ATP8A2: variants seen among roughly 807,000 people sequenced by gnomAD.
ATP8A2 encodes the protein phospholipid-transporting ATPase IB.
In ATP8A2, 100 loss-of-function variants were observed where a neutral mutation model predicts 165.6. That is an observed-to-expected ratio of 0.60 (90% CI 0.51 to 0.71). The LOEUF is 0.71. Ranked by LOEUF, ATP8A2 falls within the 30% of genes least tolerant of loss-of-function variation. The probability of loss-of-function intolerance (pLI) is 0.00; values close to 1 mark genes in which losing one functional copy is unlikely to be tolerated. For synonymous variants in ATP8A2, 543 were observed against 548.8 expected (o/e 0.99, Z 0.15); for missense variants, 1,227 against 1,479.5 (o/e 0.83, Z 2.80).
intron 33 of ATP8A2, among the ~76,000 whole-genome samples, chr13:25,867,665 C>G (rs371312931): frequency 3.3e-5 from 5 of 152,186 alleles, no homozygotes; most frequent in Non-Finnish European, 7.3e-5. Context: ...TCCCATCCCC[C>G]CTGCCACAGT....
At chr13:25,574,490 A>G (rs541560964) in intron 18 of ATP8A2, among the ~76,000 whole-genome samples, 21 of 152,354 alleles carry the variant, frequency 1.4e-4, no homozygotes, top group African/African-American at 5.0e-4. Context: ...TGTCTATATA[A>G]TTTGTAAAAT....
rs397942177 is a variant in ATP8A2, at chr13:25,768,076, TGGG to T, written c.2385-962_2385-960del. On this transcript the variant is annotated intron_variant, in intron 25 of 36. Coordinates refer to ENST00000381655, the MANE Select transcript of ATP8A2 (RefSeq NM_016529.6). ...TGTTTATTCTGTGTGTGTGGTGGCGTGGGGGGGGGGTGGTGGGGGGGCAAGTGC... is the reference window on the plus strand; with the variant it reads ...TGTTTATTCTGTGTGTGTGGTGGCGTGGGGGGGTGGTGGGGGGGCAAGTGC... Among the ~76,000 whole-genome samples, 133 of 49,402 alleles carry T rather than the reference TGGG, an allele frequency of 2.7e-3. 2 individuals carry two copies. The highest frequency in any genetic ancestry group is 7.0e-3 in the African/African-American group (126 of 17,972). The allele number at this position is 49,402 out of a possible 152,430, so 32.4% of individuals were successfully genotyped here. A position where few individuals can be genotyped will look rare whatever the true frequency, so the allele number is the denominator to read the frequency against.
At chr13:25,761,743 A>G (rs989507902) in intron 25 of ATP8A2, among the ~76,000 whole-genome samples, 2 of 151,908 alleles carry the variant, frequency 1.3e-5, no homozygotes, top group East Asian at 1.9e-4. Context: ...GATGATTTGT[A>G]TCATGCAGCA....
chr13:25,398,828 A>G (rs900241809), intron 1 of ATP8A2, among the ~76,000 whole-genome samples: 2 of 152,166 alleles, frequency 1.3e-5, no homozygotes, highest in African/African-American at 4.8e-5. Context: ...CTCACCAGGT[A>G]TGAGGGTGAC....
At chr13:25,690,193 A>T (rs1289301893) in intron 24 of ATP8A2, among the ~76,000 whole-genome samples, 1 of 152,010 alleles carries the variant, frequency 6.6e-6, no homozygotes, top group Non-Finnish European at 1.5e-5. Context: ...TCTTTCAGTA[A>T]ATAGTAGTAA....
At chr13:25,957,185 G>C (rs900921553) in intron 33 of ATP8A2, among the ~76,000 whole-genome samples, 3 of 152,108 alleles carry the variant, frequency 2.0e-5, no homozygotes, top group Middle Eastern at 3.2e-3. Flanking sequence ...GAAAACCTAG[G>C]CAATGCCATT....
At chr13:25,642,964 CA>C (rs1198766622) in intron 24 of ATP8A2, among the ~76,000 whole-genome samples, 1 of 151,420 alleles carries the variant, frequency 6.6e-6, no homozygotes, top group African/African-American at 2.4e-5. Context: ...ATAGCAAGGA[CA>C]AAAAACCAAA....
At chr13:25,801,206 G>A (rs1208635341) in intron 27 of ATP8A2, among the ~76,000 whole-genome samples, 1 of 152,190 alleles carries the variant, frequency 6.6e-6, no homozygotes, top group South Asian at 2.1e-4. Flanking sequence ...CTACTTCGGA[G>A]TGCAGTCTGC....
Position 25,372,067 on chromosome 13 carries a change from C to T in ATP8A2, c.-146C>T, listed in dbSNP as rs1254819606. 1.2e-5 allele frequency: 5 copies of T among 420,998 alleles called. No individual in the cohort carries two copies. The highest frequency in any genetic ancestry group is 1.5e-5 in the Non-Finnish European group (4 of 271,240). 26.1% of individuals were successfully genotyped at this position (420,998 alleles called of 1,614,324 possible). On this transcript the variant is annotated 5_prime_UTR_variant, in exon 1 of 37. Coordinates refer to ENST00000381655, the MANE Select transcript of ATP8A2 (RefSeq NM_016529.6). This position sits in a 1 kb window ranked among gnomAD's most constrained non-coding sequence, Gnocchi z 4.8. ...GGACGGCGCAGCCTCGGGCGCGGCCCGGCACAGGCGCCGGCGGTCCCCGCC... is the reference window on the plus strand; with the variant it reads ...GGACGGCGCAGCCTCGGGCGCGGCCTGGCACAGGCGCCGGCGGTCCCCGCC...
intron 35 of ATP8A2, among the ~76,000 whole-genome samples, chr13:25,982,397 G>A (rs1188923826): frequency 2.0e-5 from 3 of 152,206 alleles, no homozygotes; most frequent in African/African-American, 7.2e-5. Flanking sequence ...GCACTCAAAA[G>A]CAAAGAGACA....
At chr13:25,666,064 G>A (rs79212325) in intron 24 of ATP8A2, among the ~76,000 whole-genome samples, 10,768 of 151,620 alleles carry the variant, frequency 0.071, 1,030 homozygotes, top group East Asian at 0.24. Context: ...TTTACCCAGG[G>A]CAATGCTAGT....
intron 25 of ATP8A2, among the ~76,000 whole-genome samples, chr13:25,740,697 A>G (rs2043893071): frequency 6.6e-6 from 1 of 152,218 alleles, no homozygotes; most frequent in South Asian, 2.1e-4. Flanking sequence ...TTGGCATGAA[A>G]GATAATGAAT....
Position 25,512,646 on chromosome 13 carries a change from C to G in ATP8A2, c.222-17353C>G, listed in dbSNP as rs575757333. 9.9e-3 allele frequency among the ~76,000 whole-genome samples: 1,420 copies of G among 143,582 alleles called. 44 individuals are homozygous for G. Among genetic ancestry groups the G allele is most frequent in the African/African-American group, 0.036 (1,348 of 37,564 alleles). 94.2% of individuals were successfully genotyped at this position (143,582 alleles called of 152,430 possible). On this transcript the variant is annotated intron_variant, in intron 2 of 36. Transcript: ENST00000381655. ...CTGGCTGGGCGGGGGGCTGACCCCCCACCTCCCTCCCGGACGGGGTGGCTG... is the reference window on the plus strand; with the variant it reads ...CTGGCTGGGCGGGGGGCTGACCCCCGACCTCCCTCCCGGACGGGGTGGCTG...
chr13:25,545,137 T>C (rs2038606161), intron 10 of ATP8A2, among the ~76,000 whole-genome samples: 1 of 151,750 alleles, frequency 6.6e-6, no homozygotes, highest in South Asian at 2.1e-4. Flanking sequence ...GTTCAGGAGC[T>C]GGAAGGGTAG....
At chr13:25,404,317 C>T (rs538671929) in intron 1 of ATP8A2, among the ~76,000 whole-genome samples, 2 of 152,274 alleles carry the variant, frequency 1.3e-5, no homozygotes, top group East Asian at 3.9e-4. Context: ...TGGAAGCATC[C>T]ACCTGGCTGG....
chr13:25,963,369 G>C (rs1040310804), intron 34 of ATP8A2, among the ~76,000 whole-genome samples: 1 of 149,938 alleles, frequency 6.7e-6, no homozygotes, highest in Middle Eastern at 3.2e-3. Flanking sequence ...ACTCCAGCCT[G>C]GGCGACAGAG....
At chr13:25,777,891 C>T (rs1593331347) in intron 27 of ATP8A2, among the ~76,000 whole-genome samples, 2 of 152,218 alleles carry the variant, frequency 1.3e-5, no homozygotes, top group East Asian at 3.8e-4. Context: ...AAAGTTCCCT[C>T]CACTCTCGCC....
intron 1 of ATP8A2, among the ~76,000 whole-genome samples, chr13:25,401,123 A>C (rs906959302): frequency 6.6e-6 from 1 of 152,190 alleles, no homozygotes; most frequent in Non-Finnish European, 1.5e-5. Flanking sequence ...TGTGCGGCAC[A>C]GCTCGGAAAT....
intron 2 of ATP8A2, among the ~76,000 whole-genome samples, chr13:25,479,629 A>T (rs1407907901): frequency 6.6e-6 from 1 of 151,706 alleles, no homozygotes; most frequent in African/African-American, 2.4e-5. Flanking sequence ...TAGGCAGAGG[A>T]CCCTGAGGCC....
Sources: gnomAD v4.1 joint callset for allele counts (sites outside exome capture counted in the v4.1 genomes callset) on GRCh38, gnomAD v4.1.1 for gene constraint, Gnocchi (gnomAD v3.1) non-coding constraint, MANE v1.5 for transcripts, NCBI Gene and HGNC (gene_info 2026-07-23, HGNC 2026-07-21) for gene names.